DIAPH3: variants seen among roughly 807,000 people sequenced by gnomAD.
DIAPH3 encodes protein diaphanous homolog 3.
A neutral mutation model predicts 144.3 loss-of-function variants in DIAPH3; 117 were observed. The ratio of observed to expected loss-of-function variants is 0.81; its 90% CI spans 0.70 to 0.95. The LOEUF is 0.95. DIAPH3 is among the 40% of genes least tolerant of loss of function. DIAPH3 has a pLI of 0.00. For synonymous variants in DIAPH3, 519 were observed against 488.9 expected (o/e 1.06, Z -0.81); for missense variants, 1,421 against 1,412.7 (o/e 1.01, Z -0.09).
chr13:59,698,763 C>T (rs538121995), intron 27 of DIAPH3, among the ~76,000 whole-genome samples: 4 of 152,090 alleles, frequency 2.6e-5, no homozygotes, highest in South Asian at 2.1e-4. Context: ...ATGAGTAACA[C>T]AAATACTGGA....
At chr13:59,864,546 G>C (rs1034400293) in intron 21 of DIAPH3, among the ~76,000 whole-genome samples, 1 of 152,000 alleles carries the variant, frequency 6.6e-6, no homozygotes, top group African/African-American at 2.4e-5. Flanking sequence ...TAGCTAAACA[G>C]CCAGCAACTG....
chr13:59,778,273 C>T (rs1330559691), intron 25 of DIAPH3, among the ~76,000 whole-genome samples: 2 of 152,166 alleles, frequency 1.3e-5, no homozygotes, highest in African/African-American at 4.8e-5. Context: ...GTCTGTAATA[C>T]ATATACCAAT....
At position 59,983,873 on chromosome 13, in the gene DIAPH3, T is replaced by C; in HGVS notation, c.1376A>G (p.Lys459Arg). ...NDYFIRQQYF[K>R]LIDECVSQIV... is the part of the protein sequence containing the mutation. ...CTGGGATACACACTCATCAATTAATTTGAAGTATTGTTGCCTAAAACCAAA... is the reference window on the plus strand; with the variant it reads ...CTGGGATACACACTCATCAATTAATCTGAAGTATTGTTGCCTAAAACCAAA... The change falls in exon 13 of 28, where the codon AAA (lysine) becomes AGA (arginine). Residue 459 changes from lysine to arginine, a missense_variant. Coordinates refer to ENST00000400324, the MANE Select transcript of DIAPH3 (RefSeq NM_001042517.2). 6.2e-7 allele frequency: 1 copy of C among 1,604,670 alleles called. No individual in the cohort carries two copies. Among genetic ancestry groups the C allele is most frequent in the Non-Finnish European group, 8.5e-7 (1 of 1,172,704 alleles).
chr13:59,918,948 A>C (rs113618578), intron 18 of DIAPH3, among the ~76,000 whole-genome samples: 25,204 of 148,940 alleles, frequency 0.17, 2,605 homozygotes, highest in South Asian at 0.26. Context: ...AAAATACAAA[A>C]AAAAAAAAAA....
chr13:59,860,702 C>T (rs888092798), intron 22 of DIAPH3, among the ~76,000 whole-genome samples: 54 of 151,826 alleles, frequency 3.6e-4, no homozygotes, highest in African/African-American at 1.2e-3. Context: ...CACGCCACTG[C>T]ACTCCAGCCT....
chr13:59,861,180 A>T, intron 22 of DIAPH3: 1 of 1,400,494 alleles, frequency 7.1e-7, no homozygotes, highest in African/African-American at 1.4e-5. Context: ...ACTGTAAAAC[A>T]AAGTATTTTA....
At chr13:60,149,396 G>A (rs1386731963) in intron 1 of DIAPH3, among the ~76,000 whole-genome samples, 4 of 152,182 alleles carry the variant, frequency 2.6e-5, no homozygotes, top group Admixed American at 2.6e-4. Context: ...AGCGAATGCT[G>A]TGGTATGTTC....
intron 11 of DIAPH3, among the ~76,000 whole-genome samples, chr13:59,991,520 C>T (rs2051809492): frequency 6.6e-6 from 1 of 151,946 alleles, no homozygotes; most frequent in African/African-American, 2.4e-5. Context: ...AGCACAGATG[C>T]TGTTGGGAAC....
At chr13:59,928,294 T>G (rs944822582) in intron 17 of DIAPH3, among the ~76,000 whole-genome samples, 1 of 152,166 alleles carries the variant, frequency 6.6e-6, no homozygotes, top group Non-Finnish European at 1.5e-5. Flanking sequence ...TTTTCCTGAT[T>G]TCTTTATATT....
chr13:60,042,555 T>G, intron 5 of DIAPH3, 135 bp downstream of exon 5: 1 of 1,054,634 alleles, frequency 9.5e-7, no homozygotes, highest in Non-Finnish European at 1.4e-6. Flanking sequence ...TATTTCTTCC[T>G]GCATATAAAT....
At chr13:59,894,122 A>G (rs963221512) in intron 20 of DIAPH3, among the ~76,000 whole-genome samples, 1 of 152,056 alleles carries the variant, frequency 6.6e-6, no homozygotes, top group African/African-American at 2.4e-5. Flanking sequence ...TCACTGTGAT[A>G]CATTTTTTTT....
chr13:59,666,282 A>G lies in DIAPH3; in HGVS notation c.*302T>C. ...TTCTTAAGGACACACTGCTGAACAC[A>G]TGGCCACCTACCTGCTCTCTAAAGC... is the stretch of plus-strand genomic sequence containing the variant. On this transcript the variant is annotated 3_prime_UTR_variant, in exon 28 of 28. Coordinates refer to ENST00000400324, the MANE Select transcript of DIAPH3 (RefSeq NM_001042517.2). 1 of 306,124 alleles carries G rather than the reference A, an allele frequency of 3.3e-6. No individual in the cohort carries two copies. Among genetic ancestry groups the G allele is most frequent in the Non-Finnish European group, 5.9e-6 (1 of 168,312 alleles). The allele number at this position is 306,124 out of a possible 1,614,324, so 19.0% of individuals were successfully genotyped here. A position where few individuals can be genotyped will look rare whatever the true frequency, so the allele number is the denominator to read the frequency against.
At chr13:60,042,906 G>A (rs2141199083) in intron 4 of DIAPH3, 86 bp from the exon 5 acceptor site, 1 of 1,446,830 alleles carries the variant, frequency 6.9e-7, no homozygotes, top group South Asian at 1.2e-5. Flanking sequence ...CCTAACAGCA[G>A]CACATAACTA....
At chr13:59,861,376 G>A (rs775056956) in intron 22 of DIAPH3, 31 bp downstream of exon 22, 1 of 1,613,368 alleles carries the variant, frequency 6.2e-7, no homozygotes, top group Non-Finnish European at 8.5e-7. Flanking sequence ...GAAGATCAGA[G>A]CCATGAAATG....
At chr13:60,127,863 T>C (rs1044565608) in intron 2 of DIAPH3, among the ~76,000 whole-genome samples, 3 of 152,170 alleles carry the variant, frequency 2.0e-5, no homozygotes, top group Non-Finnish European at 4.4e-5. Flanking sequence ...ACTGGTACAA[T>C]ATAATGCACG....
rs555422760 is a variant in DIAPH3, at chr13:59,670,734, C to T, written c.3320-3888G>A. On this transcript the variant is annotated intron_variant, in intron 27 of 27. Coordinates refer to ENST00000400324, the MANE Select transcript of DIAPH3 (RefSeq NM_001042517.2). ...AGTAGCTGGGACTACAGGCGCCCGC[C>T]ACCACGCCCGGCTAATTTTTTTGCA... Among the ~76,000 whole-genome samples, 3 of 152,168 alleles carry T rather than the reference C, an allele frequency of 2.0e-5. No homozygotes were observed. The East Asian group carries it at 5.8e-4, about 29-fold the overall frequency.
At chr13:59,878,989 A>C (rs968223043) in intron 21 of DIAPH3, among the ~76,000 whole-genome samples, 1 of 152,112 alleles carries the variant, frequency 6.6e-6, no homozygotes, top group Admixed American at 6.6e-5. Context: ...TTTATGATAT[A>C]ATTTTGTTAT....
chr13:59,973,449 G>A (rs765823623), intron 15 of DIAPH3, among the ~76,000 whole-genome samples: 6 of 151,896 alleles, frequency 4.0e-5, no homozygotes, highest in Non-Finnish European at 7.4e-5. Context: ...TCAATAAAAT[G>A]TGATACTTCC....
At chr13:59,995,772 T>A (rs2052149607) in intron 9 of DIAPH3, among the ~76,000 whole-genome samples, 1 of 151,978 alleles carries the variant, frequency 6.6e-6, no homozygotes, top group Non-Finnish European at 1.5e-5. Flanking sequence ...ATTAGTGATC[T>A]AAATCTTAAA....
Sources: gnomAD v4.1 joint callset for allele counts (sites outside exome capture counted in the v4.1 genomes callset) on GRCh38, gnomAD v4.1.1 for gene constraint, MANE v1.5 for transcripts, NCBI Gene and HGNC (gene_info 2026-07-23, HGNC 2026-07-21) for gene names.